The following SGCZ variants were observed in gnomAD, a reference collection of about 807,000 sequenced individuals.
SGCZ encodes the protein sarcoglycan zeta, also known as zeta-sarcoglycan.
SGCZ carries 40 observed loss-of-function variants against 41.3 expected under a neutral mutation model. That is an observed-to-expected ratio of 0.97 (90% CI 0.75 to 1.26). The LOEUF is 1.26. Ranked by LOEUF, SGCZ falls within the 50% of genes most tolerant of loss-of-function variation. The pLI is 0.00. For synonymous variants in SGCZ, 206 were observed against 137.5 expected (o/e 1.50, Z -3.49); for missense variants, 552 against 369.8 (o/e 1.49, Z -4.04).
chr8:14,954,675 G>T (rs1004728072), intron 1 of SGCZ, among the ~76,000 whole-genome samples: 3 of 152,108 alleles, frequency 2.0e-5, no homozygotes, highest in Non-Finnish European at 4.4e-5. Flanking sequence ...GAGGCTTTCG[G>T]TTCCACAATC....
In SGCZ at chr8:14,162,471, A is replaced by G. The variant is rs545695015; in HGVS notation, c.547+2109T>C. Reference sequence around the variant, plus strand: ...AACCTCACTTACTCACCAACAAGCAATTCAAATGTTAGTGCTCAGGGCCCT... The same window carrying G: ...AACCTCACTTACTCACCAACAAGCAGTTCAAATGTTAGTGCTCAGGGCCCT... On this transcript the variant is annotated intron_variant, in intron 5 of 7. Coordinates refer to ENST00000382080, the MANE Select transcript of SGCZ (RefSeq NM_139167.4). 1.5e-4 allele frequency: 23 copies of G among 152,284 alleles called. 1 individual carries two copies. Among genetic ancestry groups the G allele is most frequent in the African/African-American group, 3.4e-4 (14 of 41,554 alleles). 9.4% of individuals were successfully genotyped at this position (152,284 alleles called of 1,614,324 possible).
At chr8:14,451,135 C>G (rs1279504666) in intron 2 of SGCZ, among the ~76,000 whole-genome samples, 1 of 152,126 alleles carries the variant, frequency 6.6e-6, no homozygotes, top group Admixed American at 6.6e-5. Flanking sequence ...GCAGGGTTTC[C>G]TTTAAAGTAT....
At chr8:14,215,322 T>C (rs1374396286) in intron 4 of SGCZ, among the ~76,000 whole-genome samples, 7 of 152,112 alleles carry the variant, frequency 4.6e-5, no homozygotes, top group Non-Finnish European at 1.5e-5. Flanking sequence ...TATATACATA[T>C]TTAAAAATCT....
At chr8:15,101,444 G>A (rs1350925748) in intron 1 of SGCZ, among the ~76,000 whole-genome samples, 2 of 152,062 alleles carry the variant, frequency 1.3e-5, no homozygotes, top group East Asian at 1.9e-4. Context: ...ATGAAAAGAT[G>A]TTACCAAAGA....
intron 2 of SGCZ, among the ~76,000 whole-genome samples, chr8:14,476,828 G>T (rs1286811443): frequency 6.6e-6 from 1 of 152,102 alleles, no homozygotes; most frequent in African/African-American, 2.4e-5. Context: ...TTCGCCTTGT[G>T]CTTCATTGTC....
At chr8:15,215,796 T>C (rs902601405) in intron 1 of SGCZ, among the ~76,000 whole-genome samples, 6 of 152,340 alleles carry the variant, frequency 3.9e-5, no homozygotes, top group African/African-American at 1.4e-4. Flanking sequence ...TGTTCTTTCA[T>C]TGATAATAGA....
At chr8:14,168,053 T>G (rs1804260709) in intron 4 of SGCZ, among the ~76,000 whole-genome samples, 2 of 152,198 alleles carry the variant, frequency 1.3e-5, no homozygotes, top group South Asian at 4.1e-4. Context: ...TTGTTTCTAG[T>G]GTGTCTTCCT....
At chr8:15,191,121 T>A (rs1326576470) in intron 1 of SGCZ, among the ~76,000 whole-genome samples, 1 of 152,132 alleles carries the variant, frequency 6.6e-6, no homozygotes, top group Non-Finnish European at 1.5e-5. Context: ...AAAAGCTTAA[T>A]AATTGTGCAG....
rs945008028 is a variant in SGCZ at position 14,359,914 on chromosome 8, A to G, written c.235-35710T>C. ...CATCAATATGTTAAAAAGATCATTC[A>G]TCATGACCCATTGGGATTTATCTCA... On this transcript the variant is annotated intron_variant, in intron 2 of 7. Transcript: ENST00000382080. 6.6e-5 allele frequency among the ~76,000 whole-genome samples: 10 copies of G among 152,216 alleles called. No homozygotes were observed. In the East Asian group the frequency reaches 1.9e-3, roughly 29 times the overall value.
At chr8:14,379,194 G>A (rs1048793990) in intron 2 of SGCZ, among the ~76,000 whole-genome samples, 3 of 152,128 alleles carry the variant, frequency 2.0e-5, no homozygotes, top group Admixed American at 2.0e-4. Flanking sequence ...TTTATTTGCT[G>A]AAGATATTAT....
intron 3 of SGCZ, among the ~76,000 whole-genome samples, chr8:14,323,736 G>A (rs554954061): frequency 6.6e-6 from 1 of 152,174 alleles, no homozygotes; most frequent in Non-Finnish European, 1.5e-5. Context: ...TACATAGTAT[G>A]TTGACTTAAA....
chr8:15,096,824 T>C (rs1806363726), intron 1 of SGCZ, among the ~76,000 whole-genome samples: 1 of 152,096 alleles, frequency 6.6e-6, no homozygotes, highest in Non-Finnish European at 1.5e-5. Flanking sequence ...TAGCTGGGAC[T>C]ACAGGCACAT....
chr8:14,783,020 G>A (rs184158471), intron 1 of SGCZ, among the ~76,000 whole-genome samples: 1 of 152,206 alleles, frequency 6.6e-6, no homozygotes, highest in East Asian at 1.9e-4. Context: ...TATTTACTTG[G>A]AGTTGTATTA....
intron 3 of SGCZ, among the ~76,000 whole-genome samples, chr8:14,265,520 A>G (rs11203590): frequency 0.65 from 98,387 of 151,956 alleles, 34,422 homozygotes; most frequent in Non-Finnish European, 0.79. Context: ...TAGACAATTC[A>G]GATGTTAGCT....
intron 1 of SGCZ, among the ~76,000 whole-genome samples, chr8:14,786,836 GT>G (rs1280432037): frequency 1.1e-4 from 12 of 107,062 alleles, no homozygotes; most frequent in Non-Finnish European, 2.0e-4. Flanking sequence ...TGGAAAGCAG[GT>G]TTAAAAAAAA....
intron 1 of SGCZ, among the ~76,000 whole-genome samples, chr8:14,699,929 G>A (rs548214154): frequency 1.1e-4 from 16 of 151,868 alleles, no homozygotes; most frequent in African/African-American, 2.2e-4. Context: ...AGTCAAAATC[G>A]TTATTATTAA....
intron 2 of SGCZ, among the ~76,000 whole-genome samples, chr8:14,368,852 C>T (rs1803810747): frequency 6.6e-6 from 1 of 151,600 alleles, no homozygotes; most frequent in Non-Finnish European, 1.5e-5. Context: ...GTTACATATA[C>T]TTGTTGCAAG....
chr8:14,972,371 G>A (rs1042422941), intron 1 of SGCZ, among the ~76,000 whole-genome samples: 1 of 151,728 alleles, frequency 6.6e-6, no homozygotes, highest in African/African-American at 2.4e-5. Flanking sequence ...TTTTTTCCAT[G>A]TTTTACTGTT....
At chr8:14,461,729 T>TA (rs1173708689) in intron 2 of SGCZ, among the ~76,000 whole-genome samples, 3 of 152,204 alleles carry the variant, frequency 2.0e-5, no homozygotes, top group African/African-American at 7.2e-5. Flanking sequence ...AAAAATAACT[T>TA]ACATGTCATT....
Sources: allele counts gnomAD v4.1 joint callset (sites outside exome capture counted in the v4.1 genomes callset), GRCh38; gene constraint gnomAD v4.1.1; transcripts MANE v1.5; gene names NCBI Gene and HGNC (gene_info 2026-07-23, HGNC 2026-07-21).